Variants in CFAP44 observed in about 807,000 individuals in gnomAD.
The protein encoded by CFAP44 is cilia- and flagella-associated protein 44.
CFAP44 carries 134 observed loss-of-function variants against 216.2 expected under a neutral mutation model. That is an observed-to-expected ratio of 0.62 (90% CI 0.54 to 0.72). The LOEUF is 0.72. Among genes scored for constraint, CFAP44 ranks in the 30% least tolerant of loss-of-function variants. The probability of loss-of-function intolerance (pLI) is 0.00; values close to 1 mark genes in which losing one functional copy is unlikely to be tolerated. For synonymous variants in CFAP44, 700 were observed against 727.6 expected (o/e 0.96, Z 0.61); for missense variants, 2,035 against 2,182.1 (o/e 0.93, Z 1.34).
At chr3:113,321,554 C>A (rs1368656801) in intron 28 of CFAP44, among the ~76,000 whole-genome samples, 2 of 152,096 alleles carry the variant, frequency 1.3e-5, no homozygotes, top group Non-Finnish European at 2.9e-5. Flanking sequence ...TAAAAGGCAT[C>A]TAAATAGGAA....
chr3:113,303,711 A>G (rs1206655560), intron 32 of CFAP44, among the ~76,000 whole-genome samples: 1 of 152,150 alleles, frequency 6.6e-6, no homozygotes, highest in Non-Finnish European at 1.5e-5. Context: ...TCTATGACAA[A>G]AGATTTCTCC....
At chr3:113,349,879 G>C (rs1229360295) in intron 22 of CFAP44, among the ~76,000 whole-genome samples, 1 of 152,238 alleles carries the variant, frequency 6.6e-6, no homozygotes, top group Non-Finnish European at 1.5e-5. Context: ...TCCTGGGACA[G>C]CCTGTAGCCA....
chr3:113,385,590 C>T (rs913306810), intron 15 of CFAP44, among the ~76,000 whole-genome samples: 8 of 152,040 alleles, frequency 5.3e-5, no homozygotes, highest in African/African-American at 1.9e-4. Context: ...CTGAACACAT[C>T]TGTTAGGGCT....
intron 9 of CFAP44, among the ~76,000 whole-genome samples, chr3:113,403,183 A>G (rs996989617): frequency 1.3e-5 from 2 of 152,220 alleles, no homozygotes; most frequent in South Asian, 2.1e-4. Context: ...CCCACTGAAA[A>G]TATCTACCAA....
intron 6 of CFAP44, among the ~76,000 whole-genome samples, chr3:113,414,697 C>T (rs1934592719): frequency 6.6e-6 from 1 of 152,068 alleles, no homozygotes; most frequent in Non-Finnish European, 1.5e-5. Context: ...GCCTTGCATA[C>T]CAGGGATGAA....
chr3:113,347,529 T>C (rs1950397186), intron 22 of CFAP44, among the ~76,000 whole-genome samples: 1 of 152,166 alleles, frequency 6.6e-6, no homozygotes, highest in Non-Finnish European at 1.5e-5. Flanking sequence ...CCTATAATGA[T>C]TTCTAGTATA....
intron 3 of CFAP44, among the ~76,000 whole-genome samples, chr3:113,426,488 C>T (rs560676433): frequency 2.6e-5 from 4 of 152,268 alleles, no homozygotes; most frequent in African/African-American, 9.6e-5. Context: ...GGACATTTCC[C>T]TCCTTCGCTC....
chr3:113,287,952 C>T lies in CFAP44; in HGVS notation c.*3605G>A, dbSNP rs1316271181. 1 of 152,148 alleles carries T rather than the reference C, an allele frequency of 6.6e-6. No individual in the cohort carries two copies. Among genetic ancestry groups the T allele is most frequent in the Non-Finnish European group, 1.5e-5 (1 of 68,030 alleles). The allele number at this position is 152,148 out of a possible 1,614,324, so 9.4% of individuals were successfully genotyped here. On this transcript the variant is annotated 3_prime_UTR_variant, in exon 35 of 35. Transcript: ENST00000393845. ...TCAACATTTACTTACTGTTGTCCAA[C>T]CAAAGGATCAACCATAGATTCTTTT...
At chr3:113,425,110 GA>G (rs201307501) in intron 4 of CFAP44, among the ~76,000 whole-genome samples, 1 of 148,518 alleles carries the variant, frequency 6.7e-6, no homozygotes, top group South Asian at 2.1e-4. Context: ...CAAAGATAAG[GA>G]AAAAAAAAGC....
chr3:113,385,522 G>C (rs1387603825), intron 15 of CFAP44, among the ~76,000 whole-genome samples: 2 of 152,080 alleles, frequency 1.3e-5, no homozygotes, highest in Non-Finnish European at 2.9e-5. Flanking sequence ...ATCTATCCCA[G>C]AGAAAGTTCC....
At chr3:113,424,124 T>C (rs546645937) in intron 4 of CFAP44, among the ~76,000 whole-genome samples, 2 of 152,308 alleles carry the variant, frequency 1.3e-5, no homozygotes, top group South Asian at 4.1e-4. Context: ...TGCTAAAATT[T>C]AGAAGACATA....
intron 1 of CFAP44, chr3:113,434,826 T>C (rs1935196661): frequency 6.6e-6 from 1 of 152,232 alleles, no homozygotes; most frequent in South Asian, 2.1e-4. Flanking sequence ...TGAGGGTTAC[T>C]TAAACTGCCA....
intron 28 of CFAP44, among the ~76,000 whole-genome samples, chr3:113,311,974 G>A (rs1950043236): frequency 6.6e-6 from 1 of 152,030 alleles, no homozygotes; most frequent in Non-Finnish European, 1.5e-5. Context: ...GATGATTTAA[G>A]GTGTCTGGCG....
intron 15 of CFAP44, among the ~76,000 whole-genome samples, chr3:113,392,425 T>G (rs943498027): frequency 2.1e-3 from 271 of 127,952 alleles, no homozygotes; most frequent in Middle Eastern, 7.9e-3. Context: ...TGGCGGGGGG[T>G]GGGGTGCAAA....
chr3:113,341,852 A>AG lies in CFAP44; in HGVS notation c.3328dup (p.Leu1110ProfsTer3). 6.5e-7 allele frequency: 1 copy of AG among 1,533,044 alleles called. No individual in the cohort carries two copies. Among genetic ancestry groups the AG allele is most frequent in the Non-Finnish European group, 8.7e-7 (1 of 1,146,080 alleles). 95.0% of individuals were successfully genotyped at this position (1,533,044 alleles called of 1,614,324 possible). On this transcript the variant is annotated frameshift_variant, in exon 24 of 35. Coordinates refer to ENST00000393845, the MANE Select transcript of CFAP44 (RefSeq NM_001164496.2). LOFTEE classifies it high-confidence loss of function. ...TTGATTTTCCACGATGATTTCACTT[A>AG]GGGTTTTAGGCCGAAATTTCTTCCC...
intron 25 of CFAP44, 27 bp from the exon 26 acceptor site, chr3:113,330,695 A>ATTT: frequency 6.6e-7 from 1 of 1,515,308 alleles, no homozygotes; most frequent in South Asian, 1.3e-5. Flanking sequence ...GAAGGAAACA[A>ATTT]CAGTACAACC....
At chr3:113,439,426 C>T (rs1162759242) in intron 1 of CFAP44, among the ~76,000 whole-genome samples, 3 of 152,212 alleles carry the variant, frequency 2.0e-5, no homozygotes, top group Admixed American at 6.5e-5. Flanking sequence ...CCAACAATTG[C>T]CTGTCCAACC....
chr3:113,392,198 C>G (rs546659529), intron 15 of CFAP44, among the ~76,000 whole-genome samples: 2 of 152,194 alleles, frequency 1.3e-5, no homozygotes, highest in African/African-American at 4.8e-5. Flanking sequence ...TACATATACA[C>G]AATGTGTACT....
Position 113,373,455 on chromosome 3 carries a change from A to G in CFAP44, c.2400T>C (p.Tyr800=), listed in dbSNP as rs765396243. ...TGGGATTGTCCTCTGTATCCGCAAGATAACGGACATCAATAGGTTCATCTT... is the reference window on the plus strand; with the variant it reads ...TGGGATTGTCCTCTGTATCCGCAAGGTAACGGACATCAATAGGTTCATCTT... ...EQKDEPIDVR[Y]LADTEDNPIQ... The change falls in exon 18 of 35, where the codon TAT becomes TAC. Residue 800 remains tyrosine, a synonymous_variant. Coordinates refer to ENST00000393845, the MANE Select transcript of CFAP44 (RefSeq NM_001164496.2). The G allele has an allele frequency of 1.9e-6, 3 of 1,608,846 alleles. No individual in the cohort carries two copies. The Admixed American group carries it at 5.1e-5, about 27-fold the overall frequency.
Sources: gnomAD v4.1 joint callset for allele counts (sites outside exome capture counted in the v4.1 genomes callset) on GRCh38, gnomAD v4.1.1 for gene constraint, MANE v1.5 for transcripts, NCBI Gene and HGNC (gene_info 2026-07-23, HGNC 2026-07-21) for gene names.